The following RBFOX3 variants were observed in gnomAD, a reference collection of about 807,000 sequenced individuals.
RBFOX3 encodes the protein RNA binding protein fox-1 homolog 3.
Under a neutral mutation model 48.7 loss-of-function variants are expected in RBFOX3, and 17 were observed. That is an observed-to-expected ratio of 0.35 (90% confidence interval 0.24 to 0.52). The LOEUF is 0.52. Among genes scored for constraint, RBFOX3 ranks in the 20% least tolerant of loss-of-function variants. The pLI, the probability that RBFOX3 is intolerant of heterozygous loss-of-function variation, is 0.94. For synonymous variants in RBFOX3, 212 were observed against 209.5 expected (o/e 1.01, Z -0.10); for missense variants, 382 against 497.5 (o/e 0.77, Z 2.21).
chr17:79,634,365 C>T, the RBFOX3 span, among the ~76,000 whole-genome samples: 2 of 152,196 alleles, frequency 1.3e-5, no homozygotes, highest in African/African-American at 4.8e-5. Flanking sequence ...ACCCTCTATT[C>T]CATTCCAGGG....
chr17:79,115,776 G>T, intron 4 of RBFOX3, 28 bp from the exon 5 acceptor site: 1 of 651,426 alleles, frequency 1.5e-6, no homozygotes, highest in Non-Finnish European at 2.7e-6. Context: ...GCAAGGCCTG[G>T]TTAGAATCTT....
rs1339078923 is a variant in RBFOX3, at chr17:79,199,900, C to T, written c.-34+35866G>A. Reference sequence around the variant, plus strand: ...AAAGGGCCGGACGTGGTGGCTCACGCCTGTAATCCCAGCACTTTGGGAGGC... The same window carrying T: ...AAAGGGCCGGACGTGGTGGCTCACGTCTGTAATCCCAGCACTTTGGGAGGC... On this transcript the variant is annotated intron_variant, in intron 4 of 14. Transcript: ENST00000693108. The surrounding 1 kb of genome is among the most constrained non-coding windows in gnomAD (Gnocchi z 5.1). 6.6e-6 allele frequency among the ~76,000 whole-genome samples: 1 copy of T among 152,210 alleles called. No homozygotes were observed. Among genetic ancestry groups the T allele is most frequent in the Non-Finnish European group, 1.5e-5 (1 of 68,034 alleles).
At chr17:79,340,706 A>C (rs2081953131) in intron 2 of RBFOX3, among the ~76,000 whole-genome samples, 2 of 152,180 alleles carry the variant, frequency 1.3e-5, no homozygotes, top group African/African-American at 2.4e-5. Context: ...TGACAGCCTG[A>C]CTTCATCCGA....
intron 1 of RBFOX3, among the ~76,000 whole-genome samples, chr17:79,530,028 C>T (rs962801019): frequency 2.0e-5 from 3 of 152,222 alleles, no homozygotes; most frequent in Admixed American, 6.5e-5. Flanking sequence ...AGAAGTTCGC[C>T]GACCCCTGCT....
At chr17:79,610,799 G>A (rs2093954494) in intron 1 of RBFOX3, among the ~76,000 whole-genome samples, 27 bp downstream of exon 1, 3 of 152,132 alleles carry the variant, frequency 2.0e-5, no homozygotes, top group Admixed American at 2.0e-4. Flanking sequence ...CGCAGAGCGA[G>A]GCGGGCGACG....
chr17:79,569,167 C>G (rs1046471900), intron 1 of RBFOX3, among the ~76,000 whole-genome samples: 41 of 152,160 alleles, frequency 2.7e-4, no homozygotes, highest in African/African-American at 9.2e-4. Context: ...TGTTGTGCAC[C>G]CATGACTATG....
chr17:79,526,299 C>T (rs1421621731), intron 1 of RBFOX3, among the ~76,000 whole-genome samples: 2 of 152,204 alleles, frequency 1.3e-5, no homozygotes, highest in Non-Finnish European at 2.9e-5. Flanking sequence ...CAGAGGCAGC[C>T]CCCACATGAT....
intron 2 of RBFOX3, among the ~76,000 whole-genome samples, chr17:79,327,826 G>A (rs896329438): frequency 2.0e-5 from 3 of 152,158 alleles, no homozygotes; most frequent in Admixed American, 6.5e-5. Flanking sequence ...CTCCAGAGTA[G>A]TTGGGACTAC....
intron 1 of RBFOX3, among the ~76,000 whole-genome samples, chr17:79,582,290 G>T (rs896754748): frequency 1.5e-3 from 223 of 150,966 alleles, no homozygotes; most frequent in Non-Finnish European, 5.4e-4. Flanking sequence ...GTGCATCTGT[G>T]TGCATGCATG....
intron 3 of RBFOX3, among the ~76,000 whole-genome samples, chr17:79,251,847 C>T (rs932274756): frequency 2.6e-5 from 4 of 152,216 alleles, no homozygotes; most frequent in African/African-American, 9.7e-5. Context: ...GCTTCTCCCT[C>T]GGCTCCCCCA....
At chr17:79,574,280 G>A (rs2144637014) in intron 1 of RBFOX3, among the ~76,000 whole-genome samples, 1 of 152,290 alleles carries the variant, frequency 6.6e-6, no homozygotes, top group African/African-American at 2.4e-5. Context: ...GCATTCCCTG[G>A]ACATTAAGGC....
chr17:79,555,883 G>A (rs1451190253), intron 1 of RBFOX3, among the ~76,000 whole-genome samples: 1 of 152,076 alleles, frequency 6.6e-6, no homozygotes, highest in Non-Finnish European at 1.5e-5. Flanking sequence ...GATGGTGGTG[G>A]TAGAAGGCAG....
intron 2 of RBFOX3, among the ~76,000 whole-genome samples, chr17:79,468,211 T>C (rs2076566487): frequency 6.6e-6 from 1 of 152,010 alleles, no homozygotes; most frequent in Non-Finnish European, 1.5e-5. Flanking sequence ...ACAATAATGA[T>C]AGAAATTAAT....
chr17:79,204,680 G>A lies in RBFOX3; in HGVS notation c.-34+31086C>T, dbSNP rs916575368. 6.6e-6 allele frequency among the ~76,000 whole-genome samples: 1 copy of A among 152,126 alleles called. No individual in the cohort carries two copies. Among genetic ancestry groups the A allele is most frequent in the East Asian group, 1.9e-4 (1 of 5,188 alleles). On this transcript the variant is annotated intron_variant, in intron 4 of 14. Coordinates refer to ENST00000693108, the MANE Select transcript of RBFOX3 (RefSeq NM_001350451.2). The surrounding 1 kb of genome is among the most constrained non-coding windows in gnomAD (Gnocchi z 4.5). ...AATTCTGGGGTGGGGGACCGCTGAGGCATTTGGAAAGCTTCGTGGTGAGTG... is the reference window on the plus strand; with the variant it reads ...AATTCTGGGGTGGGGGACCGCTGAGACATTTGGAAAGCTTCGTGGTGAGTG...
intron 1 of RBFOX3, among the ~76,000 whole-genome samples, chr17:79,602,317 G>C (rs1428760931): frequency 6.6e-6 from 1 of 152,222 alleles, no homozygotes; most frequent in African/African-American, 2.4e-5. Flanking sequence ...TTGGCTGTCT[G>C]GGAGTGTTGA....
At chr17:79,643,144 G>A in the RBFOX3 span, among the ~76,000 whole-genome samples, 1 of 152,074 alleles carries the variant, frequency 6.6e-6, no homozygotes, top group Non-Finnish European at 1.5e-5. Flanking sequence ...CTAACAATAA[G>A]CATAAGAAGG....
At chr17:79,290,018 C>CA (rs1329130025) in intron 3 of RBFOX3, among the ~76,000 whole-genome samples, 2 of 152,110 alleles carry the variant, frequency 1.3e-5, no homozygotes, top group Non-Finnish European at 2.9e-5. Flanking sequence ...AGGGTTCAGA[C>CA]AGAAGGTGGA....
At chr17:79,644,892 T>C in the RBFOX3 span, among the ~76,000 whole-genome samples, 107 of 152,306 alleles carry the variant, frequency 7.0e-4, no homozygotes, top group African/African-American at 2.4e-3. Context: ...TTTGTAGAAA[T>C]TGACAAGCTG....
intron 4 of RBFOX3, among the ~76,000 whole-genome samples, chr17:79,223,731 G>T (rs908672407): frequency 6.6e-6 from 1 of 152,182 alleles, no homozygotes; most frequent in African/African-American, 2.4e-5. Flanking sequence ...CCCCACCGAG[G>T]GATTCTGAGG....
Sources: gnomAD v4.1 joint callset for allele counts (sites outside exome capture counted in the v4.1 genomes callset) on GRCh38, gnomAD v4.1.1 for gene constraint, Gnocchi (gnomAD v3.1) non-coding constraint, MANE v1.5 for transcripts, NCBI Gene and HGNC (gene_info 2026-07-23, HGNC 2026-07-21) for gene names.